Variants in RBM33 observed in about 807,000 individuals in gnomAD.
RBM33 encodes the protein RNA-binding protein 33.
RBM33 carries 28 observed loss-of-function variants against 132.6 expected under a neutral mutation model. The observed-to-expected ratio is 0.21, with a 90% CI of 0.16 to 0.29. The LOEUF (loss-of-function observed/expected upper bound fraction) is 0.29. RBM33 is among the 10% of genes least tolerant of loss of function. RBM33 has a pLI of 1.00. For synonymous variants in RBM33, 634 were observed against 593.0 expected (o/e 1.07, Z -1.01); for missense variants, 1,291 against 1,518.5 (o/e 0.85, Z 2.49).
In RBM33 at chr7:155,745,827, G is replaced by A. The variant is rs1801499088; in HGVS notation, c.2979+225G>A. 6 of 562,276 alleles carry A rather than the reference G, an allele frequency of 1.1e-5. No individual in the cohort carries two copies. The South Asian group carries it at 1.3e-4, about 12-fold the overall frequency. The allele number at this position is 562,276 out of a possible 1,614,324, so 34.8% of individuals were successfully genotyped here. ...ATTTTGTCATTGTCTGAACGTGCTA[G>A]AATGTACTTCCATACACAGACGGTA... is the stretch of plus-strand genomic sequence containing the variant. On this transcript the variant is annotated intron_variant, in intron 14 of 17. Transcript: ENST00000401878. The surrounding 1 kb of genome is among the most constrained non-coding windows in gnomAD (Gnocchi z 4.1).
intron 14 of RBM33, among the ~76,000 whole-genome samples, chr7:155,748,276 A>C (rs776432677): frequency 6.6e-6 from 1 of 152,012 alleles, no homozygotes; most frequent in East Asian, 1.9e-4. Context: ...CCTTTTTTCT[A>C]ATTTAACTAG....
rs1176918507 is a variant in RBM33, at chr7:155,777,838, T to C, written c.*2797T>C. 6.5e-6 allele frequency: 1 copy of C among 152,700 alleles called. No homozygotes were observed. Among genetic ancestry groups the C allele is most frequent in the East Asian group, 1.9e-4 (1 of 5,204 alleles). The allele number at this position is 152,700 out of a possible 1,614,324, so 9.5% of individuals were successfully genotyped here. On this transcript the variant is annotated 3_prime_UTR_variant, in exon 18 of 18. Transcript: ENST00000401878. ...TGGTAGTAAGTCAATACATTTATCC[T>C]GATCTGTGTATTATTTGTTCACAAA...
chr7:155,734,575 T>C (rs985520081), intron 9 of RBM33, among the ~76,000 whole-genome samples: 1 of 152,234 alleles, frequency 6.6e-6, no homozygotes, highest in African/African-American at 2.4e-5. Context: ...ATATTGTCTC[T>C]TTTTGGTGTC....
Position 155,660,601 on chromosome 7 carries a change from A to G in RBM33, c.44-4574A>G, listed in dbSNP as rs182959401. Among the ~76,000 whole-genome samples, 19 of 152,280 alleles carry G rather than the reference A, an allele frequency of 1.2e-4. No individual in the cohort carries two copies. In the East Asian group the frequency reaches 3.1e-3, roughly 25 times the overall value. ...GCCTCTGGCTGCTTCTGTTTTGATG[A>G]GAATCAACTATTGCACTTCCATTGT... On this transcript the variant is annotated intron_variant, in intron 1 of 17. Coordinates refer to ENST00000401878, the MANE Select transcript of RBM33 (RefSeq NM_053043.3).
At chr7:155,732,215 T>G (rs1800975937) in intron 9 of RBM33, among the ~76,000 whole-genome samples, 1 of 152,200 alleles carries the variant, frequency 6.6e-6, no homozygotes. Flanking sequence ...TCTGAATAAC[T>G]GATACATTAA....
At chr7:155,685,502 G>A (rs985863052) in intron 5 of RBM33, among the ~76,000 whole-genome samples, 1 of 152,146 alleles carries the variant, frequency 6.6e-6, no homozygotes, top group Non-Finnish European at 1.5e-5. Context: ...AAAAAGACCT[G>A]TAAATACCTG....
intron 3 of RBM33, among the ~76,000 whole-genome samples, chr7:155,677,221 CTTTT>C (rs55977961): frequency 4.3e-5 from 6 of 140,366 alleles, no homozygotes; most frequent in Non-Finnish European, 4.6e-5. Flanking sequence ...TTCTTTTTTT[CTTTT>C]TTTTTTTTTT....
In RBM33 at chr7:155,724,988, G is replaced by GTTTTTTTT. The variant is rs148975210; in HGVS notation, c.1260+6548_1260+6549insTTTTTTTT. ...AGTTGCTGTAAACATTTGTGTACAGGTTTGTGTGTGTGTGTGTGTGTGTGT... is the reference window on the plus strand; with the variant it reads ...AGTTGCTGTAAACATTTGTGTACAGGTTTTTTTTTTTGTGTGTGTGTGTGTGTGTGTGT... On this transcript the variant is annotated intron_variant, in intron 9 of 17. Transcript: ENST00000401878. Among the ~76,000 whole-genome samples the GTTTTTTTT allele has an allele frequency of 7.4e-3, 869 of 117,192 alleles. 15 individuals are homozygous for GTTTTTTTT. The highest frequency in any genetic ancestry group is 0.034 in the African/African-American group (821 of 24,252). The allele number at this position is 117,192 out of a possible 152,430, so 76.9% of individuals were successfully genotyped here.
chr7:155,759,207 C>T (rs558290395), intron 14 of RBM33, among the ~76,000 whole-genome samples: 14 of 152,204 alleles, frequency 9.2e-5, no homozygotes, highest in African/African-American at 2.9e-4. Context: ...TTTGTAATAC[C>T]TGTATTTCTG....
chr7:155,721,448 C>T (rs980833788), intron 9 of RBM33, among the ~76,000 whole-genome samples: 6 of 151,910 alleles, frequency 3.9e-5, no homozygotes, highest in Non-Finnish European at 5.9e-5. Flanking sequence ...TATTCAAGAA[C>T]GTATGTGAAT....
In RBM33 at chr7:155,774,483, A is replaced by G; in HGVS notation, c.3376-76A>G. The G allele has an allele frequency of 9.2e-7, 1 of 1,083,228 alleles. No individual in the cohort carries two copies. The highest frequency in any genetic ancestry group is 1.4e-6 in the Non-Finnish European group (1 of 722,798). 67.1% of individuals were successfully genotyped at this position (1,083,228 alleles called of 1,614,324 possible). On this transcript the variant is annotated intron_variant, in intron 16 of 17. Coordinates refer to ENST00000401878, the MANE Select transcript of RBM33 (RefSeq NM_053043.3). This position sits in a 1 kb window ranked among gnomAD's most constrained non-coding sequence, Gnocchi z 4.2. The stretch of plus-strand genomic sequence containing the variant: ...GGACTCATTTTGTGTTAAAACTAAT[A>G]ATGCTTAAATATATATATTCATATT...
intron 9 of RBM33, among the ~76,000 whole-genome samples, chr7:155,735,688 CCTGTCTCTCTCTCTCTCTCTCTCTCTCT>C (rs1207111015): frequency 1.3e-4 from 8 of 63,308 alleles, no homozygotes; most frequent in East Asian, 9.1e-4. Context: ...AGAGCAAGAC[CCTGTCTCTCTCTCTCTCTCTCTCTCTCT>C]CTGTCTCTCT....
chr7:155,657,903 C>CAGTG (rs1798536164), intron 1 of RBM33, among the ~76,000 whole-genome samples: 1 of 152,168 alleles, frequency 6.6e-6, no homozygotes, highest in East Asian at 1.9e-4. Context: ...GTATCAGGGA[C>CAGTG]AGTGCATCCT....
chr7:155,738,671 T>C (rs1286440282), intron 11 of RBM33: 4 of 419,102 alleles, frequency 9.5e-6, no homozygotes, highest in Admixed American at 8.2e-5. Context: ...ACTAATAAAA[T>C]TAGGACATGT....
intron 10 of RBM33, 75 bp from the exon 11 acceptor site, chr7:155,737,985 A>G: frequency 7.9e-7 from 1 of 1,266,890 alleles, no homozygotes; most frequent in Non-Finnish European, 1.1e-6. Context: ...ACAGTAGGAT[A>G]GTGCTTCAGA....
intron 14 of RBM33, chr7:155,746,529 G>A (rs1459110636): frequency 1.3e-5 from 2 of 152,214 alleles, no homozygotes; most frequent in Non-Finnish European, 2.9e-5. Flanking sequence ...GTTTTCCACT[G>A]TAGTTTGGAT....
chr7:155,672,008 A>G (rs1798954981), intron 2 of RBM33, among the ~76,000 whole-genome samples: 1 of 152,156 alleles, frequency 6.6e-6, no homozygotes, highest in Admixed American at 6.6e-5. Context: ...GCTAGAAAAA[A>G]TTGCAAATCA....
chr7:155,710,748 C>G (rs1300672243), intron 7 of RBM33, among the ~76,000 whole-genome samples: 1 of 151,862 alleles, frequency 6.6e-6, no homozygotes, highest in East Asian at 1.9e-4. Flanking sequence ...GTTCTCAGGC[C>G]TCAGTTCTGG....
chr7:155,706,932 A>G lies in RBM33; in HGVS notation c.812A>G (p.Tyr271Cys), dbSNP rs770844096. Residue 271 changes from tyrosine to cysteine, a missense_variant, in exon 7 of 18, where the codon TAC (tyrosine) becomes TGC (cysteine). Around this residue, in one of 7 missense-constraint regions of RBM33, gnomAD observed 34 missense variants for 46.5 expected, o/e 0.73. Transcript: ENST00000401878. ...ERERQHKQGR[Y>C]SSRRGGRRGG... The stretch of plus-strand genomic sequence containing the variant: ...GAGCGACAGCATAAACAAGGACGCT[A>G]CAGCTCCAGGCGGGGAGGACGGCGA... The G allele has an allele frequency of 6.2e-6, 10 of 1,606,710 alleles. No individual in the cohort carries two copies. Among genetic ancestry groups the G allele is most frequent in the South Asian group, 1.1e-5 (1 of 89,054 alleles).
Sources: gnomAD v4.1 joint callset for allele counts (sites outside exome capture counted in the v4.1 genomes callset) on GRCh38, gnomAD v4.1.1 for gene constraint, gnomAD v4.1.1 regional missense constraint, Gnocchi (gnomAD v3.1) non-coding constraint, MANE v1.5 for transcripts, NCBI Gene and HGNC (gene_info 2026-07-23, HGNC 2026-07-21) for gene names.